The following DPY19L4 variants were observed in gnomAD, a reference collection of about 807,000 sequenced individuals.
DPY19L4 encodes the protein probable C-mannosyltransferase DPY19L4.
DPY19L4 carries 97 observed loss-of-function variants against 102.8 expected under a neutral mutation model. That is an observed-to-expected ratio of 0.94 (90% confidence interval 0.80 to 1.12). The LOEUF (loss-of-function observed/expected upper bound fraction) is 1.12. DPY19L4 is among the 50% of genes most tolerant of loss of function. The probability of loss-of-function intolerance (pLI) is 0.00; values close to 1 mark genes in which losing one functional copy is unlikely to be tolerated. For missense variants in DPY19L4, 815 were observed against 850.4 expected (o/e 0.96, Z 0.52); for synonymous variants, 252 against 283.1 (o/e 0.89, Z 1.10).
chr8:94,738,490 C>G (rs1222191462), intron 4 of DPY19L4, 31 bp downstream of exon 4: 2 of 1,271,700 alleles, frequency 1.6e-6, no homozygotes, highest in Non-Finnish European at 1.1e-6. Flanking sequence ...TTTTTAATAA[C>G]AGTATTTTCC....
In DPY19L4 at chr8:94,783,784, T is replaced by C; in HGVS notation, c.1830T>C (p.Leu610=). Residue 610 remains leucine, a synonymous_variant, in exon 17 of 19, where the codon CTT becomes CTC. Transcript: ENST00000414645. ...TGCCTCTTTACAATGATGATGATCT[T>C]CTCAAGAGAAATGAAAATGTAAGAC... is the stretch of plus-strand genomic sequence containing the variant. ...TSLPLYNDDD[L]LKRNENIYQI... 6.2e-7 allele frequency: 1 copy of C among 1,613,788 alleles called. No homozygotes were observed. Among genetic ancestry groups the C allele is most frequent in the Non-Finnish European group, 8.5e-7 (1 of 1,179,952 alleles).
At chr8:94,749,900 A>T (rs978141600) in intron 6 of DPY19L4, among the ~76,000 whole-genome samples, 1 of 152,220 alleles carries the variant, frequency 6.6e-6, no homozygotes, top group African/African-American at 2.4e-5. Context: ...TTTCAGATGG[A>T]TTAATGAGCT....
At chr8:94,727,380 C>T (rs1262813994) in intron 2 of DPY19L4, among the ~76,000 whole-genome samples, 2 of 152,262 alleles carry the variant, frequency 1.3e-5, no homozygotes, top group East Asian at 3.9e-4. Flanking sequence ...ACTACAGGCA[C>T]ATGCCACCAC....
intron 17 of DPY19L4, 32 bp from the exon 18 acceptor site, chr8:94,787,862 C>G: frequency 8.3e-7 from 1 of 1,202,972 alleles, no homozygotes; most frequent in Non-Finnish European, 1.1e-6. Flanking sequence ...TAATTATATT[C>G]TTTCAGTTTT....
intron 10 of DPY19L4, 64 bp downstream of exon 10, chr8:94,765,873 T>G (rs1812651923): frequency 9.5e-7 from 1 of 1,057,690 alleles, no homozygotes; most frequent in African/African-American, 1.6e-5. Flanking sequence ...TTGGACTACA[T>G]TTTAATGAGA....
rs566285679 is a variant in DPY19L4 at position 94,722,141 on chromosome 8, C to T, written c.16+2127C>T. On this transcript the variant is annotated intron_variant, in intron 1 of 18. Coordinates refer to ENST00000414645, the MANE Select transcript of DPY19L4 (RefSeq NM_181787.3). ...ATAAAATTAAGGCCGGGCAAGGTGG[C>T]TCACGCCTGTAATCCTAACACTTTG... is the stretch of plus-strand genomic sequence containing the variant. Among the ~76,000 whole-genome samples, 27 of 148,936 alleles carry T rather than the reference C, an allele frequency of 1.8e-4. No homozygotes were observed. In the South Asian group the frequency reaches 5.6e-3, roughly 31 times the overall value.
At chr8:94,785,358 C>T (rs764649089) in intron 17 of DPY19L4, among the ~76,000 whole-genome samples, 3 of 152,116 alleles carry the variant, frequency 2.0e-5, no homozygotes, top group East Asian at 3.9e-4. Context: ...CAGGAACAAT[C>T]GAACAATTCC....
chr8:94,756,122 C>T lies in DPY19L4; in HGVS notation c.698C>T (p.Thr233Ile). Reference protein sequence around the residue: ...PYFACQIAALTGYLKSNLNTY... With the variant: ...PYFACQIAALIGYLKSNLNTY... The stretch of plus-strand genomic sequence containing the variant: ...TTTGCATGCCAAATTGCTGCACTTA[C>T]AGGCTATTTAAAAAGCAACTTAAAT... The change falls in exon 7 of 19, where the codon ACA (threonine) becomes ATA (isoleucine). Residue 233 changes from threonine to isoleucine, a missense_variant. Coordinates refer to ENST00000414645, the MANE Select transcript of DPY19L4 (RefSeq NM_181787.3). 4.3e-6 allele frequency: 7 copies of T among 1,613,768 alleles called. No homozygotes were observed. Among genetic ancestry groups the T allele is most frequent in the Non-Finnish European group, 5.9e-6 (7 of 1,179,856 alleles).
chr8:94,736,266 G>C (rs188201130), intron 3 of DPY19L4, among the ~76,000 whole-genome samples: 1 of 152,224 alleles, frequency 6.6e-6, no homozygotes, highest in Admixed American at 6.5e-5. Flanking sequence ...TTGGGTATTA[G>C]GTTTCACCAT....
chr8:94,737,924 G>T (rs2130813961), intron 3 of DPY19L4, among the ~76,000 whole-genome samples: 1 of 152,294 alleles, frequency 6.6e-6, no homozygotes, highest in South Asian at 2.1e-4. Context: ...CTACTGGGTA[G>T]CTGAGGTGGG....
chr8:94,744,444 T>A (rs1181951205), intron 6 of DPY19L4: 6 of 456,598 alleles, frequency 1.3e-5, no homozygotes, highest in Non-Finnish European at 2.6e-5. Flanking sequence ...TATAACCTCA[T>A]CTTAGAAATG....
Position 94,738,445 on chromosome 8 carries a change from C to T in DPY19L4, c.329C>T (p.Pro110Leu). Residue 110 changes from proline (P) to leucine (L), a missense_variant, in exon 4 of 19, where the codon CCT (proline) becomes CTT (leucine). Physicochemically the swap from Pro to Leu is moderately conservative, Grantham distance 98 (BLOSUM62 -3). Coordinates refer to ENST00000414645, the MANE Select transcript of DPY19L4 (RefSeq NM_181787.3). Reference protein sequence around the residue: ...YSYYKDMLKAPSFERGVYELT... With the variant: ...YSYYKDMLKALSFERGVYELT... The stretch of plus-strand genomic sequence containing the variant: ...TATTATAAAGATATGTTAAAGGCAC[C>T]TTCATTTGAAAGAGGTATGATAATC... The T allele has an allele frequency of 1.3e-6, 2 of 1,541,600 alleles. No individual in the cohort carries two copies. The highest frequency in any genetic ancestry group is 1.7e-6 in the Non-Finnish European group (2 of 1,144,688).
chr8:94,771,783 G>T (rs1252917462), intron 13 of DPY19L4, among the ~76,000 whole-genome samples: 1 of 152,194 alleles, frequency 6.6e-6, no homozygotes, highest in Admixed American at 6.5e-5. Flanking sequence ...CAGGGAGCAT[G>T]TGGCAGGCTT....
rs768843655 is a variant in DPY19L4 at position 94,770,454 on chromosome 8, G to T, written c.1337G>T (p.Gly446Val). Residue 446 changes from glycine to valine, a missense_variant and splice_region_variant, in exon 13 of 19, where the codon GGT becomes GTT. Gly to Val is a moderately radical substitution (Grantham distance 109). Transcript: ENST00000414645. Reference sequence around the variant, plus strand: ...AAAAATACATTTTCTTTTTGTAGTGGTAAGTCCCTGAAGGAAACTGTTACT... The same window carrying T: ...AAAAATACATTTTCTTTTTGTAGTGTTAAGTCCCTGAAGGAAACTGTTACT... ...MLQVIFRRIN[G>V]KSLKETVTLE... 2 of 1,606,942 alleles carry T rather than the reference G, an allele frequency of 1.2e-6. No individual in the cohort carries two copies. Among genetic ancestry groups the T allele is most frequent in the East Asian group, 2.2e-5 (1 of 44,538 alleles).
chr8:94,773,870 A>AC (rs1813046239), intron 13 of DPY19L4, among the ~76,000 whole-genome samples: 1 of 110,800 alleles, frequency 9.0e-6, no homozygotes, highest in Non-Finnish European at 1.8e-5. Context: ...CCCCATCTCT[A>AC]CAAAAAAAAA....
Position 94,739,642 on chromosome 8 carries a change from T to G in DPY19L4, c.466-3T>G. 6.2e-7 allele frequency: 1 copy of G among 1,613,646 alleles called. No homozygotes were observed. The highest frequency in any genetic ancestry group is 1.3e-5 in the African/African-American group (1 of 75,036). On this transcript the variant is annotated splice_polypyrimidine_tract_variant and splice_region_variant and intron_variant, in intron 5 of 18. Transcript: ENST00000414645. ...TTGTTCTCTTTCTGTTTTTTCCACATAGGAGATTATTGAGCCAGTGTATTT... is the reference window on the plus strand; with the variant it reads ...TTGTTCTCTTTCTGTTTTTTCCACAGAGGAGATTATTGAGCCAGTGTATTT...
At chr8:94,783,889 A>C in intron 17 of DPY19L4, 87 bp downstream of exon 17, 29 of 1,432,844 alleles carry the variant, frequency 2.0e-5, no homozygotes, top group Non-Finnish European at 2.7e-5. Flanking sequence ...GCTTCTAGGT[A>C]GCTAGGAAAG....
intron 2 of DPY19L4, among the ~76,000 whole-genome samples, chr8:94,727,906 A>G (rs1251202632): frequency 6.6e-6 from 1 of 152,156 alleles, no homozygotes; most frequent in Non-Finnish European, 1.5e-5. Flanking sequence ...TGAAGTTCCT[A>G]GATGCCAGCC....
At chr8:94,729,597 CA>C (rs770975687) in intron 2 of DPY19L4, among the ~76,000 whole-genome samples, 38 of 31,042 alleles carry the variant, frequency 1.2e-3, no homozygotes, top group Admixed American at 6.0e-3. Context: ...GATTCCATCT[CA>C]AAAAAAAAAA....
Sources: gnomAD v4.1 joint callset for allele counts (sites outside exome capture counted in the v4.1 genomes callset) on GRCh38, gnomAD v4.1.1 for gene constraint, MANE v1.5 for transcripts, NCBI Gene and HGNC (gene_info 2026-07-23, HGNC 2026-07-21) for gene names.